Variants in LUM observed in about 807,000 individuals in gnomAD.
LUM encodes KSPG lumican.
Under a neutral mutation model 20.5 loss-of-function variants are expected in LUM, and 13 were observed. That is an observed-to-expected ratio of 0.63 (90% CI 0.41 to 1.01). The LOEUF (loss-of-function observed/expected upper bound fraction) is 1.01. LUM is among the 50% of genes least tolerant of loss of function. The pLI, the probability that LUM is intolerant of heterozygous loss-of-function variation, is 0.00. For missense variants in LUM, 321 were observed against 391.1 expected (o/e 0.82, Z 1.51); for synonymous variants, 173 against 151.5 (o/e 1.14, Z -1.04).
At chr12:91,109,449 T>G (rs1019270) in intron 1 of LUM, among the ~76,000 whole-genome samples, 140,054 of 152,144 alleles carry the variant, frequency 0.92, 64,623 homozygotes, top group Non-Finnish European at 0.95. Flanking sequence ...AGAAGATCCT[T>G]ACGGGAATAT....
At chr12:91,105,786 T>C (rs1880017060) in intron 2 of LUM, among the ~76,000 whole-genome samples, 1 of 152,206 alleles carries the variant, frequency 6.6e-6, no homozygotes, top group Non-Finnish European at 1.5e-5. Context: ...CTCTCTTCCA[T>C]CCTTTACTCA....
chr12:91,106,690 T>TAAAAAAAAAAAAA (rs374164456), intron 2 of LUM, among the ~76,000 whole-genome samples: 8 of 90,602 alleles, frequency 8.8e-5, no homozygotes, highest in African/African-American at 3.7e-4. Flanking sequence ...ATTTTTCTTC[T>TAAAAAAAAAAAAA]AAAAAAAAAA....
intron 1 of LUM, among the ~76,000 whole-genome samples, chr12:91,110,827 C>T (rs774230535): frequency 8.5e-5 from 13 of 152,094 alleles, no homozygotes; most frequent in South Asian, 2.1e-4. Flanking sequence ...TTTTCAAAAA[C>T]GAAATCATTT....
At position 91,104,152 on chromosome 12, in the gene LUM, C is replaced by T; in HGVS notation, c.*13G>A. On this transcript the variant is annotated 3_prime_UTR_variant, in exon 3 of 3. Coordinates refer to ENST00000266718, the MANE Select transcript of LUM (RefSeq NM_002345.4). ...AAAACATAACCATAAAATATTGTTC[C>T]AGGATACAGATATTAATTAAGAGTG... The T allele has an allele frequency of 6.2e-7, 1 of 1,602,130 alleles. No individual in the cohort carries two copies. The highest frequency in any genetic ancestry group is 8.5e-7 in the Non-Finnish European group (1 of 1,170,668).
At chr12:91,109,317 G>A (rs555515621) in intron 1 of LUM, among the ~76,000 whole-genome samples, 4 of 152,122 alleles carry the variant, frequency 2.6e-5, no homozygotes, top group Admixed American at 6.5e-5. Context: ...TTTCTGGGTG[G>A]TGTTCATTGA....
chr12:91,104,334 A>G lies in LUM; in HGVS notation c.863-15T>C. 2 of 1,591,652 alleles carry G rather than the reference A, an allele frequency of 1.3e-6. No individual in the cohort carries two copies. Among genetic ancestry groups the G allele is most frequent in the South Asian group, 2.2e-5 (2 of 89,900 alleles). On this transcript the variant is annotated splice_polypyrimidine_tract_variant and intron_variant, in intron 2 of 2. Transcript: ENST00000266718. ...TATGTCAAACTCTAAAAATTAAAGAATAGAAAACATTAATCATTTTTCAGT... is the reference window on the plus strand; with the variant it reads ...TATGTCAAACTCTAAAAATTAAAGAGTAGAAAACATTAATCATTTTTCAGT...
Position 91,108,434 on chromosome 12 carries a change from A to G in LUM, c.546T>C (p.Gly182=), listed in dbSNP as rs1592663131. Residue 182 remains glycine, a synonymous_variant, in exon 2 of 3, where the codon GGT becomes GGC. Coordinates refer to ENST00000266718, the MANE Select transcript of LUM (RefSeq NM_002345.4). This position sits in a 1 kb window ranked among gnomAD's most constrained non-coding sequence, Gnocchi z 4.2. ...KEDAVSAAFK[G]LKSLEYLDLS... ...AGTCAAGGTATTCGAGTGATTTAAG[A>G]CCTTTAAAAGCAGCTGAAACAGCAT... 5 of 1,614,086 alleles carry G rather than the reference A, an allele frequency of 3.1e-6. No homozygotes were observed. The highest frequency in any genetic ancestry group is 4.2e-6 in the Non-Finnish European group (5 of 1,180,008).
chr12:91,111,096 C>T (rs1223118006), intron 1 of LUM, among the ~76,000 whole-genome samples: 1 of 152,152 alleles, frequency 6.6e-6, no homozygotes, highest in African/African-American at 2.4e-5. Context: ...AACTAGCATA[C>T]ATAACAAACA....
Position 91,104,290 on chromosome 12 carries a change from G to T in LUM, c.892C>A (p.Leu298Met), listed in dbSNP as rs748779402. 5 of 1,611,672 alleles carry T rather than the reference G, an allele frequency of 3.1e-6. No individual in the cohort carries two copies. Among genetic ancestry groups the T allele is most frequent in the African/African-American group, 1.3e-5 (1 of 74,806 alleles). The change falls in exon 3 of 3, where the codon CTG becomes ATG. Residue 298 changes from leucine (L) to methionine (M), a missense_variant. Leu to Met is a conservative substitution (Grantham distance 15). Coordinates refer to ENST00000266718, the MANE Select transcript of LUM (RefSeq NM_002345.4). ...KFDIKSFCKI[L>M]GPLSYSKIKH... ...ATCTTGGAGTAGGATAATGGCCCCA[G>T]GATCTTGCAGAAGCTCTTTATGTCA...
chr12:91,107,623 G>T (rs549960490), intron 2 of LUM, among the ~76,000 whole-genome samples: 85 of 152,218 alleles, frequency 5.6e-4, no homozygotes, highest in African/African-American at 2.0e-3. Flanking sequence ...GACCTTAATT[G>T]TTCCTTATCT....
chr12:91,107,265 A>AAG (rs1491027084), intron 2 of LUM, among the ~76,000 whole-genome samples: 70 of 83,490 alleles, frequency 8.4e-4, no homozygotes, highest in East Asian at 1.2e-3. Flanking sequence ...GAAAGAAAGA[A>AAG]AGAAAGAAAG....
At chr12:91,109,543 G>C (rs1471551548) in intron 1 of LUM, among the ~76,000 whole-genome samples, 3 of 152,070 alleles carry the variant, frequency 2.0e-5, no homozygotes, top group African/African-American at 7.2e-5. Context: ...TTGGTTCTGA[G>C]GAAGGAGAAC....
At chr12:91,107,309 GAA>G (rs1491169540) in intron 2 of LUM, among the ~76,000 whole-genome samples, 75 of 114,004 alleles carry the variant, frequency 6.6e-4, no homozygotes, top group African/African-American at 2.4e-3. Context: ...AAGAAAGAAA[GAA>G]AGAAAGAAAG....
intron 1 of LUM, among the ~76,000 whole-genome samples, chr12:91,109,936 A>T (rs777550141): frequency 6.6e-6 from 1 of 152,134 alleles, no homozygotes; most frequent in Non-Finnish European, 1.5e-5. Context: ...TGATGTTTTT[A>T]AAGTTTGGAT....
Position 91,104,225 on chromosome 12 carries a change from G to T in LUM, c.957C>A (p.Thr319=). 9 of 1,612,824 alleles carry T rather than the reference G, an allele frequency of 5.6e-6. No homozygotes were observed. The highest frequency in any genetic ancestry group is 3.3e-5 in the Admixed American group (2 of 59,948). ...LRLDGNRISE[T]SLPPDMYECL... is the part of the protein sequence containing the mutation. ...ATTCATACATATCCGGTGGAAGACT[G>T]GTTTCTGAGATGCGATTGCCATCCA... Residue 319 remains threonine (T), a synonymous_variant, in exon 3 of 3, where the codon ACC becomes ACA. Coordinates refer to ENST00000266718, the MANE Select transcript of LUM (RefSeq NM_002345.4).
In LUM at chr12:91,108,824, G is replaced by C; in HGVS notation, c.156C>G (p.Tyr52Ter). ...NCPESYPSAM[Y>*]CDELKLKSVP... ...CACTTTTCAATTTCAGCTCATCACA[G>C]TACATGGCACTTGGGTAGCTTTCAG... The change falls in exon 2 of 3, where the codon TAC becomes TAG. Residue 52 changes from tyrosine (Y) to a stop codon, truncating the protein, a stop_gained. Transcript: ENST00000266718. LOFTEE classifies it high-confidence loss of function. This position sits in a 1 kb window ranked among gnomAD's most constrained non-coding sequence, Gnocchi z 4.2. 6.2e-7 allele frequency: 1 copy of C among 1,614,038 alleles called. No homozygotes were observed. Among genetic ancestry groups the C allele is most frequent in the Non-Finnish European group, 8.5e-7 (1 of 1,180,000 alleles).
intron 1 of LUM, 123 bp downstream of exon 1, chr12:91,111,275 A>G (rs111410015): frequency 5.6e-4 from 86 of 152,362 alleles, no homozygotes; most frequent in African/African-American, 2.0e-3. Flanking sequence ...AATGCTCAGA[A>G]CTGTGGATTT....
chr12:91,107,150 AAAAAGAAAG>A (rs1880055176), intron 2 of LUM, among the ~76,000 whole-genome samples: 1 of 149,488 alleles, frequency 6.7e-6, no homozygotes. Flanking sequence ...TGTCAAAAAA[AAAAAGAAAG>A]AAAGAAAGAA....
chr12:91,107,071 G>T (rs954475854), intron 2 of LUM, among the ~76,000 whole-genome samples: 2 of 150,292 alleles, frequency 1.3e-5, no homozygotes. Flanking sequence ...GCCTGAGCCT[G>T]GGGGGTGGAG....
Sources: gnomAD v4.1 joint callset for allele counts (sites outside exome capture counted in the v4.1 genomes callset) on GRCh38, gnomAD v4.1.1 for gene constraint, Gnocchi (gnomAD v3.1) non-coding constraint, MANE v1.5 for transcripts, NCBI Gene and HGNC (gene_info 2026-07-23, HGNC 2026-07-21) for gene names.